The following MAF variants were observed in gnomAD, a reference collection of about 807,000 sequenced individuals.
MAF encodes MAF bZIP transcription factor.
Under a neutral mutation model 22.0 loss-of-function variants are expected in MAF, and 10 were observed. The observed-to-expected ratio is 0.45, with a 90% confidence interval of 0.28 to 0.77. MAF has a LOEUF of 0.77. Ranked by LOEUF, MAF falls within the 30% of genes least tolerant of loss-of-function variation. MAF has a pLI of 0.12. For synonymous variants in MAF, 337 were observed against 255.8 expected (o/e 1.32, Z -3.03); for missense variants, 544 against 548.4 (o/e 0.99, Z 0.08).
the MAF span, among the ~76,000 whole-genome samples, chr16:79,493,812 T>C: frequency 2.0e-5 from 3 of 152,046 alleles, no homozygotes; most frequent in Non-Finnish European, 4.4e-5. Context: ...AGAAAACAAG[T>C]TCCAAGGAAA....
chr16:79,560,677 C>G, the MAF span, among the ~76,000 whole-genome samples: 1 of 152,018 alleles, frequency 6.6e-6, no homozygotes, highest in Non-Finnish European at 1.5e-5. Flanking sequence ...ATTTTTATAT[C>G]TATCTGGGAA....
At chr16:79,387,104 T>G in the MAF span, among the ~76,000 whole-genome samples, 117 of 152,306 alleles carry the variant, frequency 7.7e-4, no homozygotes, top group African/African-American at 2.8e-3. Flanking sequence ...ATTATTATCT[T>G]CTATTAAAGT....
chr16:79,537,170 G>C, the MAF span, among the ~76,000 whole-genome samples: 1 of 152,172 alleles, frequency 6.6e-6, no homozygotes, highest in Non-Finnish European at 1.5e-5. Flanking sequence ...GTCATTTGGT[G>C]AATCTATTCT....
At chr16:79,321,063 C>A in the MAF span, among the ~76,000 whole-genome samples, 65 of 152,260 alleles carry the variant, frequency 4.3e-4, no homozygotes, top group Non-Finnish European at 6.0e-4. Flanking sequence ...CTTGGTAGCC[C>A]TTATTAGGGT....
At chr16:79,239,440 G>C in the MAF span, among the ~76,000 whole-genome samples, 2 of 152,002 alleles carry the variant, frequency 1.3e-5, no homozygotes, top group African/African-American at 4.8e-5. Flanking sequence ...CTGGGGGATG[G>C]TTTGTAGGGA....
the MAF span, among the ~76,000 whole-genome samples, chr16:79,322,058 G>A: frequency 1.3e-5 from 2 of 152,020 alleles, no homozygotes; most frequent in African/African-American, 2.4e-5. Context: ...ACGGCGAAAC[G>A]CCATCTCTAC....
At chr16:79,350,069 T>C in the MAF span, among the ~76,000 whole-genome samples, 3 of 152,226 alleles carry the variant, frequency 2.0e-5, no homozygotes, top group Non-Finnish European at 2.9e-5. Flanking sequence ...TATGTACATC[T>C]CTGCTCTGGC....
downstream of MAF, among the ~76,000 whole-genome samples, chr16:79,592,305 G>C (rs926155761): frequency 3.3e-5 from 5 of 152,178 alleles, no homozygotes; most frequent in Admixed American, 1.3e-4. Flanking sequence ...GACAGCCTGG[G>C]AGACTGAAAT....
chr16:79,447,075 C>A, the MAF span, among the ~76,000 whole-genome samples: 1 of 151,538 alleles, frequency 6.6e-6, no homozygotes, highest in Non-Finnish European at 1.5e-5. Context: ...CATACATGAG[C>A]AAAATTATTT....
the MAF span, among the ~76,000 whole-genome samples, chr16:79,405,116 A>G: frequency 0.13 from 19,304 of 152,178 alleles, 1,324 homozygotes; most frequent in South Asian, 0.26. Flanking sequence ...TCCCATATGC[A>G]GCAGTATGGC....
chr16:79,409,562 C>T, the MAF span, among the ~76,000 whole-genome samples: 22 of 152,288 alleles, frequency 1.4e-4, no homozygotes, highest in Admixed American at 7.8e-4. Context: ...TTTGCAGGCC[C>T]GAAGCCCACC....
chr16:79,422,875 C>G, the MAF span, among the ~76,000 whole-genome samples: 5 of 152,258 alleles, frequency 3.3e-5, no homozygotes, highest in South Asian at 1.0e-3. Context: ...GGTAAGGTCT[C>G]TGCTGTCATG....
chr16:79,579,595 C>T, the MAF span, among the ~76,000 whole-genome samples: 11 of 152,034 alleles, frequency 7.2e-5, no homozygotes, highest in Non-Finnish European at 1.5e-4. Flanking sequence ...AGAAAAGAAA[C>T]AATAAAAGGA....
chr16:79,566,505 T>G, the MAF span, among the ~76,000 whole-genome samples: 1 of 152,162 alleles, frequency 6.6e-6, no homozygotes, highest in South Asian at 2.1e-4. Context: ...TGCCCACCTT[T>G]CAGTGCTAAC....
the MAF span, chr16:79,211,931 A>G: frequency 2.6e-6 from 4 of 1,538,698 alleles, no homozygotes; most frequent in South Asian, 1.2e-5. Flanking sequence ...CAGTCACAAC[A>G]GAGTGAAAAA....
chr16:79,207,758 C>A, the MAF span, among the ~76,000 whole-genome samples: 1 of 151,054 alleles, frequency 6.6e-6, no homozygotes. Flanking sequence ...GAGTACTAAC[C>A]AATGCATTAC....
the MAF span, among the ~76,000 whole-genome samples, chr16:79,503,802 C>T: frequency 6.6e-6 from 1 of 152,192 alleles, no homozygotes; most frequent in Admixed American, 6.5e-5. Context: ...CTTATGGTTA[C>T]TCCGTAGTCT....
At chr16:79,410,398 T>C in the MAF span, among the ~76,000 whole-genome samples, 1 of 152,240 alleles carries the variant, frequency 6.6e-6, no homozygotes, top group East Asian at 1.9e-4. Context: ...GGCCATCATA[T>C]TGAACTGAGC....
At chr16:79,550,935 G>A in the MAF span, among the ~76,000 whole-genome samples, 3 of 152,142 alleles carry the variant, frequency 2.0e-5, no homozygotes, top group Non-Finnish European at 2.9e-5. Context: ...TGGGGCCACT[G>A]CAGACTCTTT....
Sources: allele counts gnomAD v4.1 joint callset (sites outside exome capture counted in the v4.1 genomes callset), GRCh38; gene constraint gnomAD v4.1.1; transcripts MANE v1.5; gene names NCBI Gene and HGNC (gene_info 2026-07-23, HGNC 2026-07-21).